The following TCIM variants were observed in gnomAD, a reference collection of about 807,000 sequenced individuals.
TCIM encodes human thyroid cancer 1.
In TCIM, 5 loss-of-function variants were observed where a neutral mutation model predicts 7.0. The ratio of observed to expected loss-of-function variants is 0.71; its 90% CI spans 0.37 to 1.50. The LOEUF (loss-of-function observed/expected upper bound fraction) is 1.50, where lower values mean the gene tolerates loss of function less well. Ranked by LOEUF, TCIM falls within the 40% of genes most tolerant of loss-of-function variation. The pLI is 0.03. For synonymous variants in TCIM, 66 were observed against 50.3 expected, an observed-to-expected ratio of 1.31 and a Z score of -1.32; for missense variants, 137 against 129.7, an observed-to-expected ratio of 1.06 and a Z score of -0.27.
Position 40,153,912 on chromosome 8 carries a change from T to C in TCIM, c.*59T>C. On this transcript the variant is annotated 3_prime_UTR_variant, in exon 1 of 1. Transcript: ENST00000315792. Reference sequence around the variant, plus strand: ...ATGGACATTCAAAGACCAAGTGAGTTTGTGAGATTCTAACAGATGCAGCAT... The same window carrying C: ...ATGGACATTCAAAGACCAAGTGAGTCTGTGAGATTCTAACAGATGCAGCAT... The C allele has an allele frequency of 6.9e-7, 1 of 1,450,202 alleles. No individual in the cohort carries two copies. Among genetic ancestry groups the C allele is most frequent in the Non-Finnish European group, 9.4e-7 (1 of 1,062,026 alleles). The allele number at this position is 1,450,202 out of a possible 1,614,324, so 89.8% of individuals were successfully genotyped here.
Position 40,155,216 on chromosome 8 carries a change from C to T in TCIM, c.*1363C>T, listed in dbSNP as rs985937329. ...GTGATGACCAAGATTCTGTGTGTTA[C>T]TACTGTTTGTTTAATAGGAACAAAT... is the stretch of plus-strand genomic sequence containing the variant. On this transcript the variant is annotated 3_prime_UTR_variant, in exon 1 of 1. Coordinates refer to ENST00000315792, the MANE Select transcript of TCIM (RefSeq NM_020130.5). 3.0e-5 allele frequency: 5 copies of T among 167,082 alleles called. No homozygotes were observed. In the Admixed American group the frequency reaches 3.3e-4, roughly 11 times the overall value. The allele number at this position is 167,082 out of a possible 1,614,324, so 10.3% of individuals were successfully genotyped here.
rs893563573 is a variant in TCIM, at chr8:40,154,281, G to A, written c.*428G>A. On this transcript the variant is annotated 3_prime_UTR_variant, in exon 1 of 1. Coordinates refer to ENST00000315792, the MANE Select transcript of TCIM (RefSeq NM_020130.5). ...TTTTTTTTTAACCAAATAGATAGGG[G>A]AAGGGAGGAGGGAGAGGGAGGACAG... 2.4e-6 allele frequency: 1 copy of A among 413,642 alleles called. No homozygotes were observed. The highest frequency in any genetic ancestry group is 4.4e-6 in the Non-Finnish European group (1 of 226,932). 25.6% of individuals were successfully genotyped at this position (413,642 alleles called of 1,614,324 possible).
rs778375012 is a variant in TCIM at position 40,153,574 on chromosome 8, G to A, written c.42G>A (p.Thr14=). ...GCCACCAAGCCGTCATCATGTCCAC[G>A]TCGCTACGAGTCAGCCCATCCATCC... ...KRSHQAVIMS[T]SLRVSPSIHG... is the part of the protein sequence containing the mutation. The change falls in exon 1 of 1, where the codon ACG becomes ACA. Residue 14 remains threonine, a synonymous_variant. Transcript: ENST00000315792. The A allele has an allele frequency of 1.7e-5, 27 of 1,613,898 alleles. No individual in the cohort carries two copies. The highest frequency in any genetic ancestry group is 6.7e-5 in the East Asian group (3 of 44,866).
At position 40,155,217 on chromosome 8, in the gene TCIM, T is replaced by C. The variant is rs1452440818; in HGVS notation, c.*1364T>C. ...TGATGACCAAGATTCTGTGTGTTAC[T>C]ACTGTTTGTTTAATAGGAACAAATA... On this transcript the variant is annotated 3_prime_UTR_variant, in exon 1 of 1. Transcript: ENST00000315792. The C allele has an allele frequency of 6.0e-6, 1 of 167,094 alleles. No individual in the cohort carries two copies. Among genetic ancestry groups the C allele is most frequent in the African/African-American group, 2.4e-5 (1 of 41,462 alleles). The allele number at this position is 167,094 out of a possible 1,614,324, so 10.4% of individuals were successfully genotyped here. A position where few individuals can be genotyped will look rare whatever the true frequency, so the allele number is the denominator to read the frequency against.
In TCIM at chr8:40,154,966, C is replaced by T. The variant is rs538212174; in HGVS notation, c.*1113C>T. 5.4e-5 allele frequency: 9 copies of T among 166,834 alleles called. No individual in the cohort carries two copies. Among genetic ancestry groups the T allele is most frequent in the Admixed American group, 2.0e-4 (3 of 15,254 alleles). 10.3% of individuals were successfully genotyped at this position (166,834 alleles called of 1,614,324 possible). Reference sequence around the variant, plus strand: ...CAAACTTTTTCAAAACAAATTCTTACGTCAAATATCTGGGAAGTTTCTCTG... The same window carrying T: ...CAAACTTTTTCAAAACAAATTCTTATGTCAAATATCTGGGAAGTTTCTCTG... On this transcript the variant is annotated 3_prime_UTR_variant, in exon 1 of 1. Transcript: ENST00000315792.
Position 40,154,536 on chromosome 8 carries a change from G to C in TCIM, c.*683G>C, listed in dbSNP as rs75539925. On this transcript the variant is annotated 3_prime_UTR_variant, in exon 1 of 1. Coordinates refer to ENST00000315792, the MANE Select transcript of TCIM (RefSeq NM_020130.5). ...CAGTAAAACCTTACGCCACCTTTTG[G>C]TTTGTAAAAGGTTTTTTATACATTT... The C allele has an allele frequency of 7.1e-5, 16 of 224,806 alleles. No individual in the cohort carries two copies. The highest frequency in any genetic ancestry group is 1.3e-4 in the Non-Finnish European group (14 of 107,194). The allele number at this position is 224,806 out of a possible 1,614,324, so 13.9% of individuals were successfully genotyped here.
rs1240886205 is a variant in TCIM, at chr8:40,154,211, C to G, written c.*358C>G. The G allele has an allele frequency of 1.7e-5, 7 of 414,618 alleles. No homozygotes were observed. The East Asian group carries it at 2.1e-4, about 13-fold the overall frequency. 25.7% of individuals were successfully genotyped at this position (414,618 alleles called of 1,614,324 possible). A position where few individuals can be genotyped will look rare whatever the true frequency, so the allele number is the denominator to read the frequency against. ...GCTGGAGATGACATTTATCCAGGGT[C>G]ACTTTGTCAGGCCCTAGGACTTAAA... is the stretch of plus-strand genomic sequence containing the variant. On this transcript the variant is annotated 3_prime_UTR_variant, in exon 1 of 1. Coordinates refer to ENST00000315792, the MANE Select transcript of TCIM (RefSeq NM_020130.5).
chr8:40,154,756 A>G lies in TCIM; in HGVS notation c.*903A>G, dbSNP rs1458956658. 4 of 167,064 alleles carry G rather than the reference A, an allele frequency of 2.4e-5. No individual in the cohort carries two copies. The highest frequency in any genetic ancestry group is 9.6e-5 in the African/African-American group (4 of 41,460). 10.3% of individuals were successfully genotyped at this position (167,064 alleles called of 1,614,324 possible). ...AGTTTATAAAGACTCTATAGTTTCT[A>G]TAATTTATTTTACTGGCAAATGTCA... On this transcript the variant is annotated 3_prime_UTR_variant, in exon 1 of 1. Coordinates refer to ENST00000315792, the MANE Select transcript of TCIM (RefSeq NM_020130.5).
In TCIM at chr8:40,153,787, G is replaced by A. The variant is rs1487000138; in HGVS notation, c.255G>A (p.Lys85=). The A allele has an allele frequency of 2.5e-6, 4 of 1,614,042 alleles. No individual in the cohort carries two copies. The East Asian group carries it at 8.9e-5, about 36-fold the overall frequency. Residue 85 remains lysine, a synonymous_variant, in exon 1 of 1, where the codon AAG becomes AAA. Transcript: ENST00000315792. ...AAACGCGTGCCCTGATGGCCTTGAA[G>A]AAGAGGACAAAAGACAAGCTTTTCC... ...EEKTRALMAL[K]KRTKDKLFQF...
chr8:40,154,767 T>G lies in TCIM; in HGVS notation c.*914T>G, dbSNP rs552891107. ...ACTCTATAGTTTCTATAATTTATTT[T>G]ACTGGCAAATGTCATGCAACAATAA... On this transcript the variant is annotated 3_prime_UTR_variant, in exon 1 of 1. Coordinates refer to ENST00000315792, the MANE Select transcript of TCIM (RefSeq NM_020130.5). The G allele has an allele frequency of 1.2e-5, 2 of 167,188 alleles. No individual in the cohort carries two copies. Among genetic ancestry groups the G allele is most frequent in the Admixed American group, 1.3e-4 (2 of 15,296 alleles). 10.4% of individuals were successfully genotyped at this position (167,188 alleles called of 1,614,324 possible).
chr8:40,154,286 G>A lies in TCIM; in HGVS notation c.*433G>A, dbSNP rs1211906284. On this transcript the variant is annotated 3_prime_UTR_variant, in exon 1 of 1. Transcript: ENST00000315792. The stretch of plus-strand genomic sequence containing the variant: ...TTTTAACCAAATAGATAGGGGAAGG[G>A]AGGAGGGAGAGGGAGGACAGGGAGA... The A allele has an allele frequency of 1.2e-5, 5 of 413,682 alleles. No homozygotes were observed. The South Asian group carries it at 6.8e-4, about 56-fold the overall frequency. The allele number at this position is 413,682 out of a possible 1,614,324, so 25.6% of individuals were successfully genotyped here.
chr8:40,153,510 A>C lies in TCIM; in HGVS notation c.-23A>C. ...GACTCTCTGGAAAGCCTGGGAGCTGAATTCCGGAAGATCCCCACATCGATG... is the reference window on the plus strand; with the variant it reads ...GACTCTCTGGAAAGCCTGGGAGCTGCATTCCGGAAGATCCCCACATCGATG... On this transcript the variant is annotated 5_prime_UTR_variant, in exon 1 of 1. Transcript: ENST00000315792. 6.3e-7 allele frequency: 1 copy of C among 1,589,312 alleles called. No homozygotes were observed. The highest frequency in any genetic ancestry group is 1.1e-5 in the South Asian group (1 of 87,672).
chr8:40,154,116 C>T lies in TCIM; in HGVS notation c.*263C>T. The T allele has an allele frequency of 1.9e-6, 1 of 517,356 alleles. No homozygotes were observed. Among genetic ancestry groups the T allele is most frequent in the South Asian group, 4.5e-5 (1 of 22,216 alleles). 32.0% of individuals were successfully genotyped at this position (517,356 alleles called of 1,614,324 possible). On this transcript the variant is annotated 3_prime_UTR_variant, in exon 1 of 1. Coordinates refer to ENST00000315792, the MANE Select transcript of TCIM (RefSeq NM_020130.5). ...AGCAAGGATTTGAAAACTCTTCCGT[C>T]CCTGCAGGAAAGGATTGATGCTGAT...
At position 40,153,668 on chromosome 8, in the gene TCIM, G is replaced by T. The variant is rs10353; in HGVS notation, c.136G>T (p.Glu46Ter). 1 of 1,614,108 alleles carries T rather than the reference G, an allele frequency of 6.2e-7. No homozygotes were observed. The highest frequency in any genetic ancestry group is 8.5e-7 in the Non-Finnish European group (1 of 1,180,008). The part of the protein sequence containing the change: ...VGNIFENTDQ[E>*]SLERLFRNSG... ...CAACATCTTTGAAAACACAGACCAA[G>T]AATCACTAGAAAGGCTCTTCAGAAA... Residue 46 changes from glutamate to a stop codon, truncating the protein, a stop_gained, in exon 1 of 1, where the codon GAA becomes TAA. Transcript: ENST00000315792. LOFTEE classifies it high-confidence loss of function.
chr8:40,153,577 G>A lies in TCIM; in HGVS notation c.45G>A (p.Ser15=), dbSNP rs1176421021. ...RSHQAVIMST[S]LRVSPSIHGY... ...ACCAAGCCGTCATCATGTCCACGTC[G>A]CTACGAGTCAGCCCATCCATCCATG... The change falls in exon 1 of 1, where the codon TCG becomes TCA. Residue 15 remains serine (S), a synonymous_variant. Transcript: ENST00000315792. 4.3e-6 allele frequency: 7 copies of A among 1,614,026 alleles called. No individual in the cohort carries two copies. The East Asian group carries it at 6.7e-5, about 15-fold the overall frequency.
chr8:40,154,159 T>A lies in TCIM; in HGVS notation c.*306T>A, dbSNP rs1224074593. 9.1e-6 allele frequency: 4 copies of A among 437,232 alleles called. No individual in the cohort carries two copies. Among genetic ancestry groups the A allele is most frequent in the African/African-American group, 8.1e-5 (4 of 49,450 alleles). 27.1% of individuals were successfully genotyped at this position (437,232 alleles called of 1,614,324 possible). ...ATGCTGATAGAAGAGCCTGGACAGA[T>A]GTAATGAGAACTAAAGAAAACAGAT... On this transcript the variant is annotated 3_prime_UTR_variant, in exon 1 of 1. Coordinates refer to ENST00000315792, the MANE Select transcript of TCIM (RefSeq NM_020130.5).
chr8:40,154,184 T>C lies in TCIM; in HGVS notation c.*331T>C, dbSNP rs115592049. 2.3e-3 allele frequency: 941 copies of C among 417,948 alleles called. 6 individuals are homozygous for C. Among genetic ancestry groups the C allele is most frequent in the African/African-American group, 0.017 (838 of 48,634 alleles). 25.9% of individuals were successfully genotyped at this position (417,948 alleles called of 1,614,324 possible). On this transcript the variant is annotated 3_prime_UTR_variant, in exon 1 of 1. Transcript: ENST00000315792. ...TGTAATGAGAACTAAAGAAAACAGA[T>C]GGCTGGAGATGACATTTATCCAGGG...
rs142723940 is a variant in TCIM at position 40,153,852 on chromosome 8, G to T, written c.320G>T (p.Ter107LeuextTer6). Residue 107 changes from the stop codon to leucine (L), a stop_lost, in exon 1 of 1, where the codon TGA becomes TTA. Transcript: ENST00000315792. ...CGGAAATATTCCATCAAAGTTCACT[G>T]AAGAGAAGAGGATGGATAAGGACGT... is the stretch of plus-strand genomic sequence containing the variant. ...KLRKYSIKVH[*>L] is the part of the protein sequence containing the mutation. 54 of 1,609,878 alleles carry T rather than the reference G, an allele frequency of 3.4e-5. No individual in the cohort carries two copies. The highest frequency in any genetic ancestry group is 4.2e-5 in the Non-Finnish European group (49 of 1,178,138).
Position 40,153,637 on chromosome 8 carries a change from C to G in TCIM, c.105C>G (p.Ala35=). ...TCGACACAGCCTCTCGTAAGAAAGC[C>G]GTGGGCAACATCTTTGAAAACACAG... ...YHFDTASRKK[A]VGNIFENTDQ... The change falls in exon 1 of 1, where the codon GCC becomes GCG. Residue 35 remains alanine (A), a synonymous_variant. Coordinates refer to ENST00000315792, the MANE Select transcript of TCIM (RefSeq NM_020130.5). 2 of 1,614,076 alleles carry G rather than the reference C, an allele frequency of 1.2e-6. No individual in the cohort carries two copies. The highest frequency in any genetic ancestry group is 2.2e-5 in the East Asian group (1 of 44,854).
Sources: allele counts gnomAD v4.1 joint callset, GRCh38; gene constraint gnomAD v4.1.1; transcripts MANE v1.5; gene names NCBI Gene and HGNC (gene_info 2026-07-23, HGNC 2026-07-21).